DOP1A: variants seen among roughly 807,000 people sequenced by gnomAD.
The protein encoded by DOP1A is protein DOP1A.
Under a neutral mutation model 267.6 loss-of-function variants are expected in DOP1A, and 90 were observed. The ratio of observed to expected loss-of-function variants is 0.34; its 90% CI spans 0.28 to 0.40. The LOEUF (loss-of-function observed/expected upper bound fraction) is 0.40, where lower values mean the gene tolerates loss of function less well. Among genes scored for constraint, DOP1A ranks in the 10% least tolerant of loss-of-function variants. The pLI is 1.00. For missense variants in DOP1A, 2,437 were observed against 2,900.4 expected, an observed-to-expected ratio of 0.84 and a Z score of 3.67; for synonymous variants, 932 against 999.1, an observed-to-expected ratio of 0.93 and a Z score of 1.27.
At chr6:83,154,975 A>G (rs1782478256) in intron 33 of DOP1A, among the ~76,000 whole-genome samples, 1 of 152,218 alleles carries the variant, frequency 6.6e-6, no homozygotes, top group East Asian at 1.9e-4. Flanking sequence ...TCCATTCAAC[A>G]AATTTTTATT....
At chr6:83,090,940 A>C (rs180790150) in intron 1 of DOP1A, among the ~76,000 whole-genome samples, 146 of 152,250 alleles carry the variant, frequency 9.6e-4, no homozygotes, top group Middle Eastern at 3.4e-3. Flanking sequence ...CTATTGTATT[A>C]GTTTTCATGC....
chr6:83,110,455 A>G, intron 6 of DOP1A, 141 bp downstream of exon 6: 1 of 802,626 alleles, frequency 1.2e-6, no homozygotes, highest in Non-Finnish European at 1.8e-6. Context: ...ATTAAAGGCC[A>G]AAATAATAAT....
Position 83,108,966 on chromosome 6 carries a change from T to C in DOP1A, c.377T>C (p.Leu126Pro). 1 of 1,613,808 alleles carries C rather than the reference T, an allele frequency of 6.2e-7. No homozygotes were observed. The highest frequency in any genetic ancestry group is 8.5e-7 in the Non-Finnish European group (1 of 1,179,850). Residue 126 changes from leucine to proline, a missense_variant, in exon 5 of 39, where the codon CTC becomes CCC. Leu to Pro is a moderately conservative substitution (Grantham distance 98, BLOSUM62 -3). Coordinates refer to ENST00000349129, the MANE Select transcript of DOP1A (RefSeq NM_015018.4). ...NAAMSVKPTL[L>P]SLYEIYYLPL... Reference sequence around the variant, plus strand: ...GCCATGTCTGTGAAACCAACATTGCTCAGTTTGTATGAGATATATTATCTG... The same window carrying C: ...GCCATGTCTGTGAAACCAACATTGCCCAGTTTGTATGAGATATATTATCTG...
intron 1 of DOP1A, among the ~76,000 whole-genome samples, chr6:83,092,556 T>TCCCC (rs66482434): frequency 2.9e-5 from 2 of 67,852 alleles, no homozygotes; most frequent in Non-Finnish European, 5.7e-5. Flanking sequence ...GTAGTGTCCC[T>TCCCC]CCCCCCCCCC....
chr6:83,110,553 A>G (rs779545299), intron 6 of DOP1A, among the ~76,000 whole-genome samples: 1 of 152,180 alleles, frequency 6.6e-6, no homozygotes, highest in African/African-American at 2.4e-5. Context: ...AATTTTAGAT[A>G]AAGTAATATA....
At chr6:83,166,143 A>T (rs1431555024) in intron 38 of DOP1A, 3 of 464,190 alleles carry the variant, frequency 6.5e-6, no homozygotes, top group East Asian at 6.5e-5. Context: ...AAAACAACGA[A>T]TTTTTTTATT....
At chr6:83,102,405 C>T (rs1455867543) in intron 4 of DOP1A, among the ~76,000 whole-genome samples, 2 of 152,134 alleles carry the variant, frequency 1.3e-5, no homozygotes, top group Non-Finnish European at 2.9e-5. Flanking sequence ...GTGTTTGTGT[C>T]CTCACTTGCA....
chr6:83,168,150 G>A lies in DOP1A; in HGVS notation c.7381G>A (p.Gly2461Arg). 1.9e-6 allele frequency: 3 copies of A among 1,612,080 alleles called. No individual in the cohort carries two copies. The highest frequency in any genetic ancestry group is 2.5e-6 in the Non-Finnish European group (3 of 1,179,432). The part of the protein sequence containing the change: ...EEMVEKDFLE[G>R]MIKT Reference sequence around the variant, plus strand: ...GATGGTAGAAAAAGATTTTCTGGAAGGGATGATAAAAACTTGAGCACCATT... The same window carrying A: ...GATGGTAGAAAAAGATTTTCTGGAAAGGATGATAAAAACTTGAGCACCATT... Residue 2461 changes from glycine (G) to arginine (R), a missense_variant, in exon 39 of 39, where the codon GGG becomes AGG. By Grantham distance (125) the Gly-to-Arg change is moderately radical (BLOSUM62 -2). Around this residue, in one of 9 missense-constraint regions of DOP1A, gnomAD observed 197 missense variants for 246.5 expected, o/e 0.80. Transcript: ENST00000349129.
At position 83,096,773 on chromosome 6, in the gene DOP1A, A is replaced by T. The variant is rs1209823315; in HGVS notation, c.-104A>T. The T allele has an allele frequency of 2.2e-6, 1 of 452,592 alleles. No homozygotes were observed. The allele number at this position is 452,592 out of a possible 1,614,324, so 28.0% of individuals were successfully genotyped here. On this transcript the variant is annotated 5_prime_UTR_variant, in exon 2 of 39. Transcript: ENST00000349129. ...GTTATCTTTCAGGCTGTCTTTGAAT[A>T]CTTCCATGACCCTGAACACTAGCTG...
chr6:83,113,492 T>G, intron 7 of DOP1A, 71 bp downstream of exon 7: 1 of 1,252,060 alleles, frequency 8.0e-7, no homozygotes, highest in Non-Finnish European at 1.2e-6. Context: ...TGTAGTTATT[T>G]TTTAAAGGCA....
At position 83,136,495 on chromosome 6, in the gene DOP1A, G is replaced by T. The variant is rs1778880823; in HGVS notation, c.3130+617G>T. Among the ~76,000 whole-genome samples the T allele has an allele frequency of 2.0e-5, 3 of 152,050 alleles. No homozygotes were observed. In the South Asian group the frequency reaches 6.2e-4, roughly 31 times the overall value. ...TTTGTCTCTTGACAAACCCTGTGGT[G>T]GTAATGAAAAGATCATTTTACTGAG... On this transcript the variant is annotated intron_variant, in intron 20 of 38. Transcript: ENST00000349129.
At chr6:83,104,800 C>T (rs1773289465) in intron 4 of DOP1A, among the ~76,000 whole-genome samples, 1 of 151,964 alleles carries the variant, frequency 6.6e-6, no homozygotes, top group South Asian at 2.1e-4. Context: ...AGTGATGTCT[C>T]CTCTTTCACT....
intron 15 of DOP1A, among the ~76,000 whole-genome samples, chr6:83,127,454 G>T (rs2128231826): frequency 6.6e-6 from 1 of 152,288 alleles, no homozygotes; most frequent in African/African-American, 2.4e-5. Flanking sequence ...AAGAGATGCA[G>T]CTATAAGATA....
Position 83,138,938 on chromosome 6 carries a change from G to A in DOP1A, c.4896G>A (p.Gln1632=), listed in dbSNP as rs1425949170. 3 of 1,613,910 alleles carry A rather than the reference G, an allele frequency of 1.9e-6. No homozygotes were observed. The highest frequency in any genetic ancestry group is 2.5e-6 in the Non-Finnish European group (3 of 1,179,962). Residue 1632 remains glutamine, a synonymous_variant, in exon 21 of 39, where the codon CAG becomes CAA. Transcript: ENST00000349129. ...PMTSLQYLHA[Q]PITCQGMFLC... ...CTTCTCTTCAGTATTTGCATGCTCAGCCAATCACATGTCAAGGCATGTTCC... is the reference window on the plus strand; with the variant it reads ...CTTCTCTTCAGTATTTGCATGCTCAACCAATCACATGTCAAGGCATGTTCC...
chr6:83,159,417 G>T (rs1783676947), intron 36 of DOP1A, among the ~76,000 whole-genome samples: 1 of 151,586 alleles, frequency 6.6e-6, no homozygotes, highest in African/African-American at 2.4e-5. Context: ...GAGACCACAG[G>T]TGTGTGCCAC....
In DOP1A at chr6:83,128,485, T is replaced by G. The variant is rs888114446; in HGVS notation, c.1720-402T>G. Reference sequence around the variant, plus strand: ...TACTATACACATTTCAATAAAAATTTCACATTCATGTGGCCCTGAACAGAT... The same window carrying G: ...TACTATACACATTTCAATAAAAATTGCACATTCATGTGGCCCTGAACAGAT... On this transcript the variant is annotated intron_variant, in intron 15 of 38. Coordinates refer to ENST00000349129, the MANE Select transcript of DOP1A (RefSeq NM_015018.4). Among the ~76,000 whole-genome samples, 4 of 152,218 alleles carry G rather than the reference T, an allele frequency of 2.6e-5. No homozygotes were observed. The East Asian group carries it at 7.7e-4, about 29-fold the overall frequency.
At chr6:83,114,291 CTCTGTT>C (rs1196078427) in intron 7 of DOP1A, among the ~76,000 whole-genome samples, 2 of 152,132 alleles carry the variant, frequency 1.3e-5, no homozygotes, top group African/African-American at 4.8e-5. Context: ...ACATAAACCA[CTCTGTT>C]TCTATTTTGA....
At chr6:83,120,503 G>C (rs1776191614) in intron 9 of DOP1A, among the ~76,000 whole-genome samples, 180 bp from the exon 10 acceptor site, 1 of 151,822 alleles carries the variant, frequency 6.6e-6, no homozygotes, top group South Asian at 2.1e-4. Flanking sequence ...TCTCAAGATA[G>C]ATAAATAATA....
At chr6:83,169,505 C>T (rs143108717), downstream of DOP1A, 457 of 660,882 alleles carry the variant, frequency 6.9e-4, no homozygotes, top group East Asian at 2.1e-3. Context: ...CTTAAATAAA[C>T]GGAAAACAGA....
Sources: gnomAD v4.1 joint callset for allele counts (sites outside exome capture counted in the v4.1 genomes callset) on GRCh38, gnomAD v4.1.1 for gene constraint, gnomAD v4.1.1 regional missense constraint, MANE v1.5 for transcripts, NCBI Gene and HGNC (gene_info 2026-07-23, HGNC 2026-07-21) for gene names.